Variants in MRPS25 observed in about 807,000 individuals in gnomAD.
MRPS25 encodes the protein mitochondrial ribosomal protein S25, also known as small ribosomal subunit protein mS25.
Under a neutral mutation model 17.3 loss-of-function variants are expected in MRPS25, and 15 were observed. The observed-to-expected ratio is 0.87, with a 90% CI of 0.58 to 1.34. The LOEUF is 1.34. Among genes scored for constraint, MRPS25 ranks in the 40% most tolerant of loss-of-function variants. The pLI is 0.00. For synonymous variants in MRPS25, 94 were observed against 83.3 expected (o/e 1.13, Z -0.70); for missense variants, 225 against 218.6 (o/e 1.03, Z -0.19).
rs1176991045 is a variant in MRPS25, at chr3:15,052,602, T to G, written c.361A>C (p.Lys121Gln). ...AAGTTGGCTGGGTGAGAAAGCTGCT[T>G]TTTCTCCTCCTCCTCTTCCCTGAGG... ...ETLREEEEEK[K>Q]QLSHPANFGP... The change falls in exon 4 of 4, where the codon AAG (lysine) becomes CAG (glutamine). Residue 121 changes from lysine to glutamine, a missense_variant. Coordinates refer to ENST00000253686, the MANE Select transcript of MRPS25 (RefSeq NM_022497.5). The G allele has an allele frequency of 6.2e-7, 1 of 1,614,054 alleles. No individual in the cohort carries two copies. The highest frequency in any genetic ancestry group is 1.7e-5 in the Admixed American group (1 of 60,024).
chr3:15,043,081 A>G, downstream of MRPS25: 1 of 1,428,806 alleles, frequency 7.0e-7, no homozygotes, highest in South Asian at 1.5e-5. Flanking sequence ...AAGTAGTGGT[A>G]TTTTGGTATG....
In MRPS25 at chr3:15,065,291, C is replaced by G; in HGVS notation, c.-97G>C. On this transcript the variant is annotated 5_prime_UTR_variant, in exon 1 of 4. Coordinates refer to ENST00000253686, the MANE Select transcript of MRPS25 (RefSeq NM_022497.5). ...CCGCGCGGATCTCACGCGGCTTCTC[C>G]CCAGAGCCAGGTTCCACTTCCCGCG... 7.0e-7 allele frequency: 1 copy of G among 1,426,848 alleles called. No individual in the cohort carries two copies. 88.4% of individuals were successfully genotyped at this position (1,426,848 alleles called of 1,614,324 possible).
At chr3:15,048,125 A>G (rs1315358963), downstream of MRPS25, 1 of 152,650 alleles carries the variant, frequency 6.6e-6, no homozygotes, top group Non-Finnish European at 1.5e-5. Flanking sequence ...AAGTTATCAA[A>G]ATGTTTTAAA....
chr3:15,051,168 T>TA lies in MRPS25; in HGVS notation c.*1272_*1273insT. Reference sequence around the variant, plus strand: ...GTCCGTGGTCCAACTGGTCCTTCACTTTATAATTAAACTTATTTAAAAAAT... The same window carrying TA: ...GTCCGTGGTCCAACTGGTCCTTCACTATTATAATTAAACTTATTTAAAAAAT... On this transcript the variant is annotated 3_prime_UTR_variant, in exon 4 of 4. Coordinates refer to ENST00000253686, the MANE Select transcript of MRPS25 (RefSeq NM_022497.5). The TA allele has an allele frequency of 1.0e-6, 1 of 985,266 alleles. No individual in the cohort carries two copies. The highest frequency in any genetic ancestry group is 1.2e-6 in the Non-Finnish European group (1 of 829,800). The allele number at this position is 985,266 out of a possible 1,614,324, so 61.0% of individuals were successfully genotyped here.
intron 2 of MRPS25, among the ~76,000 whole-genome samples, chr3:15,055,425 T>C (rs2042658294): frequency 6.6e-6 from 1 of 152,100 alleles, no homozygotes; most frequent in Non-Finnish European, 1.5e-5. Flanking sequence ...CAACAAGATA[T>C]GCAAATGGCT....
At chr3:15,052,966 G>C (rs551063820) in intron 3 of MRPS25, among the ~76,000 whole-genome samples, 2 of 152,318 alleles carry the variant, frequency 1.3e-5, no homozygotes, top group East Asian at 3.9e-4. Context: ...CTCAAAGACA[G>C]ACTTTTTCAG....
downstream of MRPS25, chr3:15,042,576 T>G: frequency 2.9e-6 from 1 of 342,328 alleles, no homozygotes. Flanking sequence ...GGTTTTCTCT[T>G]GGTGGTGGGG....
At chr3:15,060,184 C>G (rs1175958349) in intron 1 of MRPS25, among the ~76,000 whole-genome samples, 2 of 152,012 alleles carry the variant, frequency 1.3e-5, no homozygotes, top group East Asian at 3.9e-4. Flanking sequence ...TCCATAGTGA[C>G]AAGTCCACAG....
chr3:15,050,090 AC>A lies in MRPS25; in HGVS notation c.*2350del, dbSNP rs1354687649. 7.1e-7 allele frequency: 1 copy of A among 1,410,880 alleles called. No individual in the cohort carries two copies. Among genetic ancestry groups the A allele is most frequent in the Non-Finnish European group, 9.1e-7 (1 of 1,096,384 alleles). The allele number at this position is 1,410,880 out of a possible 1,614,324, so 87.4% of individuals were successfully genotyped here. A position where few individuals can be genotyped will look rare whatever the true frequency, so the allele number is the denominator to read the frequency against. ...TATTTTAAACCCATCTTTCATCACTACTAAACAAAATAGGGAAAGACAAAGG... is the reference window on the plus strand; with the variant it reads ...TATTTTAAACCCATCTTTCATCACTATAAACAAAATAGGGAAAGACAAAGG... On this transcript the variant is annotated 3_prime_UTR_variant, in exon 4 of 4. Coordinates refer to ENST00000253686, the MANE Select transcript of MRPS25 (RefSeq NM_022497.5).
At chr3:15,043,149 C>T (rs1023242297), downstream of MRPS25, 6 of 665,150 alleles carry the variant, frequency 9.0e-6, no homozygotes, top group African/African-American at 7.4e-5. Context: ...TCTGTTAATC[C>T]CAGACAATAG....
intron 1 of MRPS25, 139 bp from the exon 2 acceptor site, chr3:15,059,614 G>A (rs975446942): frequency 3.5e-5 from 23 of 658,130 alleles, no homozygotes; most frequent in African/African-American, 2.9e-4. Flanking sequence ...AAAACTCGCA[G>A]GGATCCTCTT....
downstream of MRPS25, chr3:15,043,546 A>G (rs1052429044): frequency 3.3e-5 from 5 of 152,682 alleles, no homozygotes; most frequent in African/African-American, 9.6e-5. Flanking sequence ...TCACTAGGGT[A>G]CAGGAGACAA....
rs60483663 is a variant in MRPS25, at chr3:15,051,887, A to G, written c.*554T>C. On this transcript the variant is annotated 3_prime_UTR_variant, in exon 4 of 4. Coordinates refer to ENST00000253686, the MANE Select transcript of MRPS25 (RefSeq NM_022497.5). ...TCTCTGGCCCATGGCTAGGCCCCCC[A>G]GCAGGCAAGGGTAATCAACTGTACT... 7,951 of 985,546 alleles carry G rather than the reference A, an allele frequency of 8.1e-3. 484 individuals are homozygous for G. In the African/African-American group the frequency reaches 0.13, roughly 16 times the overall value. 61.1% of individuals were successfully genotyped at this position (985,546 alleles called of 1,614,324 possible).
At chr3:15,061,774 G>T (rs1474224582) in intron 1 of MRPS25, among the ~76,000 whole-genome samples, 14 of 150,774 alleles carry the variant, frequency 9.3e-5, no homozygotes, top group Admixed American at 7.3e-4. Context: ...TGTGGGGAGC[G>T]CCTTTGCCCC....
downstream of MRPS25, chr3:15,047,064 G>T (rs2042481967): frequency 1.3e-5 from 2 of 152,654 alleles, no homozygotes; most frequent in Non-Finnish European, 1.5e-5. Context: ...ATGTACATGT[G>T]TTTATATCCT....
Position 15,050,044 on chromosome 3 carries a change from T to C in MRPS25, c.*2397A>G. On this transcript the variant is annotated 3_prime_UTR_variant, in exon 4 of 4. Transcript: ENST00000253686. The stretch of plus-strand genomic sequence containing the variant: ...ATAAAATCCTCACATTTTCTCTAAT[T>C]AATTTTCTCCCATTTCTGTATATTT... 6.9e-7 allele frequency: 1 copy of C among 1,455,456 alleles called. No individual in the cohort carries two copies. Among genetic ancestry groups the C allele is most frequent in the Non-Finnish European group, 8.9e-7 (1 of 1,119,018 alleles). The allele number at this position is 1,455,456 out of a possible 1,614,324, so 90.2% of individuals were successfully genotyped here.
At chr3:15,061,894 G>A (rs1458089414) in intron 1 of MRPS25, among the ~76,000 whole-genome samples, 7 of 149,510 alleles carry the variant, frequency 4.7e-5, no homozygotes, top group Non-Finnish European at 8.9e-5. Context: ...GAGACCCTCC[G>A]CCCGGCAGCC....
chr3:15,055,524 A>C lies in MRPS25; in HGVS notation c.242-2057T>G, dbSNP rs148516437. Among the ~76,000 whole-genome samples, 672 of 152,334 alleles carry C rather than the reference A, an allele frequency of 4.4e-3. 1 individual carries two copies. The highest frequency in any genetic ancestry group is 0.015 in the African/African-American group (642 of 41,570). On this transcript the variant is annotated intron_variant, in intron 2 of 3. Transcript: ENST00000253686. ...TAGGTCGCTAGTAGAAATGCAAAAT[A>C]TTACTGCCACATTAGCCAGTGAGTT...
chr3:15,043,982 A>T (rs1215044882), downstream of MRPS25: 1 of 152,198 alleles, frequency 6.6e-6, no homozygotes, highest in Admixed American at 6.6e-5. Flanking sequence ...CAGTACTTCC[A>T]ATACAATTGG....
Sources: gnomAD v4.1 joint callset for allele counts (sites outside exome capture counted in the v4.1 genomes callset) on GRCh38, gnomAD v4.1.1 for gene constraint, MANE v1.5 for transcripts, NCBI Gene and HGNC (gene_info 2026-07-23, HGNC 2026-07-21) for gene names.